Variants in MTCL3 observed in about 807,000 individuals in gnomAD.
The protein encoded by MTCL3 is microtubule cross-linking factor 3.
At chr6:127,491,911 C>T in the MTCL3 span, among the ~76,000 whole-genome samples, 1 of 146,800 alleles carries the variant, frequency 6.8e-6, no homozygotes, top group Non-Finnish European at 1.5e-5. Context: ...AAGATGGACT[C>T]TACTTCCGTA....
chr6:127,498,109 A>G, the MTCL3 span, among the ~76,000 whole-genome samples: 1 of 152,250 alleles, frequency 6.6e-6, no homozygotes, highest in Non-Finnish European at 1.5e-5. Context: ...CTTGATCAAA[A>G]TTGCAAACTT....
At chr6:127,490,560 T>C in the MTCL3 span, among the ~76,000 whole-genome samples, 83 of 151,828 alleles carry the variant, frequency 5.5e-4, no homozygotes, top group African/African-American at 1.9e-3. Flanking sequence ...GGCTCACGCC[T>C]GTAATCCAAG....
At chr6:127,498,761 TACAC>T in the MTCL3 span, among the ~76,000 whole-genome samples, 1 of 152,176 alleles carries the variant, frequency 6.6e-6, no homozygotes, top group African/African-American at 2.4e-5. Context: ...GAATTACTGA[TACAC>T]GCTACAGGGA....
chr6:127,486,873 G>C, the MTCL3 span, among the ~76,000 whole-genome samples: 5 of 151,886 alleles, frequency 3.3e-5, no homozygotes, highest in African/African-American at 1.2e-4. Context: ...TATGTTTTCA[G>C]CAATTAAACC....
chr6:127,475,967 G>A, the MTCL3 span: 2 of 1,611,534 alleles, frequency 1.2e-6, no homozygotes, highest in Non-Finnish European at 1.7e-6. The surrounding 1 kb of genome is among the most constrained non-coding windows in gnomAD (Gnocchi z 7.3). Flanking sequence ...GCGCTGTCGT[G>A]GCCGCCGGAC....
chr6:127,475,965 G>A, the MTCL3 span: 1 of 1,611,448 alleles, frequency 6.2e-7, no homozygotes. This position sits in a 1 kb window ranked among gnomAD's most constrained non-coding sequence, Gnocchi z 7.3. Context: ...GCGCGCTGTC[G>A]TGGCCGCCGG....
the MTCL3 span, chr6:127,514,816 C>T: frequency 8.1e-6 from 13 of 1,606,664 alleles, no homozygotes; most frequent in African/African-American, 1.6e-4. Flanking sequence ...GCCCCCGCGC[C>T]GCAGACCTTG....
chr6:127,492,551 C>T, the MTCL3 span, among the ~76,000 whole-genome samples: 3 of 152,134 alleles, frequency 2.0e-5, no homozygotes, highest in African/African-American at 7.2e-5. Flanking sequence ...GACGGAGTCT[C>T]ACCCTGTCGC....
At chr6:127,514,343 G>A in the MTCL3 span, among the ~76,000 whole-genome samples, 1,365 of 152,332 alleles carry the variant, frequency 9.0e-3, 22 homozygotes, top group African/African-American at 0.032. Flanking sequence ...AGGAAGTGGA[G>A]TGGACACTTG....
the MTCL3 span, among the ~76,000 whole-genome samples, chr6:127,493,222 GT>G: frequency 2.0e-5 from 3 of 152,116 alleles, no homozygotes; most frequent in Non-Finnish European, 4.4e-5. Context: ...AATTTACAGA[GT>G]TGAAGCACAA....
the MTCL3 span, chr6:127,473,413 C>T: frequency 6.8e-7 from 1 of 1,473,492 alleles, no homozygotes; most frequent in Non-Finnish European, 9.1e-7. Context: ...AATGCAAAGA[C>T]AAAGAGAAGA....
At chr6:127,484,629 T>C in the MTCL3 span, among the ~76,000 whole-genome samples, 1 of 152,186 alleles carries the variant, frequency 6.6e-6, no homozygotes, top group Non-Finnish European at 1.5e-5. Flanking sequence ...ATGCACTTCA[T>C]AACATACCTG....
chr6:127,512,846 A>G, the MTCL3 span: 3 of 1,526,242 alleles, frequency 2.0e-6, no homozygotes, highest in Non-Finnish European at 2.6e-6. Context: ...TCTTTTTTAA[A>G]GGGCTAAAAA....
At chr6:127,513,980 A>G in the MTCL3 span, among the ~76,000 whole-genome samples, 1 of 152,242 alleles carries the variant, frequency 6.6e-6, no homozygotes, top group South Asian at 2.1e-4. Context: ...ATGTTTACAC[A>G]TAGCTTTCTT....
the MTCL3 span, among the ~76,000 whole-genome samples, chr6:127,490,571 C>T: frequency 6.6e-6 from 1 of 151,548 alleles, no homozygotes; most frequent in African/African-American, 2.4e-5. Flanking sequence ...GTAATCCAAG[C>T]ACTTTGGGAG....
chr6:127,493,208 T>G, the MTCL3 span, among the ~76,000 whole-genome samples: 1 of 152,190 alleles, frequency 6.6e-6, no homozygotes, highest in East Asian at 1.9e-4. Context: ...TTCCTACTTA[T>G]GTAAATTTAC....
At chr6:127,477,960 A>C in the MTCL3 span, among the ~76,000 whole-genome samples, 1 of 151,260 alleles carries the variant, frequency 6.6e-6, no homozygotes, top group Non-Finnish European at 1.5e-5. Flanking sequence ...AGCATAAAAG[A>C]AAAAAAAATA....
At chr6:127,492,661 C>T in the MTCL3 span, among the ~76,000 whole-genome samples, 1 of 152,188 alleles carries the variant, frequency 6.6e-6, no homozygotes, top group East Asian at 1.9e-4. Flanking sequence ...ACTGGGACTA[C>T]AGGCGCCCGC....
the MTCL3 span, among the ~76,000 whole-genome samples, chr6:127,494,450 T>A: frequency 2.6e-5 from 4 of 152,174 alleles, no homozygotes; most frequent in Non-Finnish European, 5.9e-5. Flanking sequence ...GACAAAAAAC[T>A]GTAACAGTTG....
Sources: allele counts gnomAD v4.1 joint callset (sites outside exome capture counted in the v4.1 genomes callset), GRCh38; gene constraint gnomAD v4.1.1; non-coding constraint Gnocchi (gnomAD v3.1); transcripts MANE v1.5; gene names NCBI Gene and HGNC (gene_info 2026-07-23, HGNC 2026-07-21).